The following PCDHA7 variants were observed in gnomAD, a reference collection of about 807,000 sequenced individuals.
PCDHA7 encodes protocadherin alpha-7.
A neutral mutation model predicts 57.2 loss-of-function variants in PCDHA7; 37 were observed. The ratio of observed to expected loss-of-function variants is 0.65; its 90% CI spans 0.50 to 0.85. The LOEUF is 0.85. PCDHA7 is among the 40% of genes least tolerant of loss of function. The probability of loss-of-function intolerance (pLI) is 0.00; values close to 1 mark genes in which losing one functional copy is unlikely to be tolerated. For missense variants in PCDHA7, 1,188 were observed against 1,241.8 expected (o/e 0.96, Z 0.65); for synonymous variants, 553 against 558.8 (o/e 0.99, Z 0.15).
chr5:140,858,066 AG>A, intron 1 of PCDHA7: 1 of 1,597,600 alleles, frequency 6.3e-7, no homozygotes, highest in Non-Finnish European at 8.6e-7. Flanking sequence ...GAGGGCAGCC[AG>A]GCACCCAAGG....
rs145763112 is a variant in PCDHA7, at chr5:140,835,616, C to A, written c.1233C>A (p.Ser411Arg). The A allele has an allele frequency of 2.0e-5, 32 of 1,613,766 alleles. No homozygotes were observed. The highest frequency in any genetic ancestry group is 8.3e-5 in the Admixed American group (5 of 59,990). Residue 411 changes from serine (S) to arginine (R), a missense_variant, in exon 1 of 4, where the codon AGC (serine) becomes AGA (arginine). Physicochemically the swap from Ser to Arg is moderately radical, Grantham distance 110 (BLOSUM62 -1). Transcript: ENST00000525929. ...ATTACTATTCATTGGTGCTGGACAGCGCTCTGGACCGCGAGAGTGTGTCCG... is the reference window on the plus strand; with the variant it reads ...ATTACTATTCATTGGTGCTGGACAGAGCTCTGGACCGCGAGAGTGTGTCCG... ...FKNYYSLVLD[S>R]ALDRESVSAY...
intron 1 of PCDHA7, chr5:140,968,812 T>C (rs782711806): frequency 6.2e-7 from 1 of 1,614,064 alleles, no homozygotes; most frequent in Non-Finnish European, 8.5e-7. Context: ...CTGTGGTGGA[T>C]AGGGTTTCCA....
intron 1 of PCDHA7, chr5:140,875,596 G>C (rs1554167787): frequency 1.9e-6 from 3 of 1,613,938 alleles, no homozygotes; most frequent in African/African-American, 2.7e-5. Flanking sequence ...GGCCAAACAC[G>C]GCACCTTCGT....
intron 1 of PCDHA7, chr5:140,843,767 T>A (rs2150366421): frequency 4.0e-6 from 6 of 1,487,048 alleles, no homozygotes; most frequent in African/African-American, 1.4e-5. Context: ...GAAATTGTAG[T>A]TACTTTAAAA....
At chr5:140,844,401 C>T (rs1299971759) in intron 1 of PCDHA7, among the ~76,000 whole-genome samples, 1 of 149,242 alleles carries the variant, frequency 6.7e-6, no homozygotes, top group Non-Finnish European at 1.5e-5. Context: ...GACCATTTTA[C>T]CATTTGGAGA....
At chr5:140,838,077 AGTGTGTGTGTGTGTGTGTGTGTGT>A (rs57130401) in intron 1 of PCDHA7, among the ~76,000 whole-genome samples, 5 of 80,700 alleles carry the variant, frequency 6.2e-5, no homozygotes, top group South Asian at 4.3e-4. Context: ...ATATATATAT[AGTGTGTGTGTGTGTGTGTGTGTGT>A]GTGTGTGTGT....
rs1333191283 is a variant in PCDHA7 at position 140,836,505 on chromosome 5, T to C, written c.2122T>C (p.Ser708Pro). 11 of 1,613,862 alleles carry C rather than the reference T, an allele frequency of 6.8e-6. No homozygotes were observed. In the African/African-American group the frequency reaches 8.0e-5, roughly 12 times the overall value. The change falls in exon 1 of 4, where the codon TCC (serine) becomes CCC (proline). Residue 708 changes from serine to proline, a missense_variant. Ser to Pro is a moderately conservative substitution (Grantham distance 74). This residue lies in a region of PCDHA7 where 892 missense variants were observed against 788.5 expected (regional missense o/e 1.13). Coordinates refer to ENST00000525929, the MANE Select transcript of PCDHA7 (RefSeq NM_018910.3). Reference sequence around the variant, plus strand: ...CCTGATCATCGCCATCTGCGCGGTGTCCAGTCTGTTGGTGCTTACCCTGCT... The same window carrying C: ...CCTGATCATCGCCATCTGCGCGGTGCCCAGTCTGTTGGTGCTTACCCTGCT... Reference protein sequence around the residue: ...VYLIIAICAVSSLLVLTLLLY... With the variant: ...VYLIIAICAVPSLLVLTLLLY...
In PCDHA7 at chr5:141,010,126, C is replaced by A; in HGVS notation, c.*189C>A. The A allele has an allele frequency of 6.2e-7, 1 of 1,602,364 alleles. No homozygotes were observed. The highest frequency in any genetic ancestry group is 1.1e-5 in the South Asian group (1 of 89,898). ...TTTTGTCGTAAAAGCTTTACTAAGT[C>A]TGGTGTTAACTCTTTCTCTCCACTC... On this transcript the variant is annotated 3_prime_UTR_variant, in exon 4 of 4. Coordinates refer to ENST00000525929, the MANE Select transcript of PCDHA7 (RefSeq NM_018910.3).
chr5:140,962,852 T>G (rs2095713840), intron 1 of PCDHA7, among the ~76,000 whole-genome samples: 2 of 152,216 alleles, frequency 1.3e-5, no homozygotes, highest in Admixed American at 1.3e-4. Context: ...TAACTTGTGC[T>G]CGGTTTGTAG....
intron 1 of PCDHA7, among the ~76,000 whole-genome samples, chr5:140,839,743 T>C (rs2150300619): frequency 0.58 from 88,357 of 151,822 alleles, 26,802 homozygotes; most frequent in African/African-American, 0.73. Flanking sequence ...TACCCTTATT[T>C]GCCTTTCCTA....
chr5:140,900,438 C>T (rs573115268), intron 1 of PCDHA7, among the ~76,000 whole-genome samples: 21 of 152,234 alleles, frequency 1.4e-4, no homozygotes, highest in South Asian at 8.3e-4. Flanking sequence ...CCACCACGGC[C>T]GGCTAATTTT....
At chr5:140,870,880 G>T in intron 1 of PCDHA7, 1 of 1,613,948 alleles carries the variant, frequency 6.2e-7, no homozygotes. Context: ...GGTGGCGAAG[G>T]TGCGCGCAGT....
rs782023174 is a variant in PCDHA7 at position 140,870,968 on chromosome 5, G to A, written c.2355+34230G>A. 39 of 1,613,492 alleles carry A rather than the reference G, an allele frequency of 2.4e-5. No homozygotes were observed. Among genetic ancestry groups the A allele is most frequent in the Admixed American group, 2.2e-4 (13 of 59,998 alleles). ...GCGGGCGGCTCGCGCATCCCGTTCC[G>A]CGTGGGGCTGTACACGGGCGAGATA... On this transcript the variant is annotated intron_variant, in intron 1 of 3. Transcript: ENST00000525929.
At chr5:140,916,296 G>C (rs2077516868) in intron 1 of PCDHA7, among the ~76,000 whole-genome samples, 1 of 152,094 alleles carries the variant, frequency 6.6e-6, no homozygotes, top group Admixed American at 6.5e-5. Flanking sequence ...TGGCCAAACT[G>C]GTACCAAAGG....
rs939986849 is a variant in PCDHA7, at chr5:140,871,330, G to T, written c.2355+34592G>T. 10 of 1,613,998 alleles carry T rather than the reference G, an allele frequency of 6.2e-6. No homozygotes were observed. Among genetic ancestry groups the T allele is most frequent in the Non-Finnish European group, 8.5e-6 (10 of 1,180,034 alleles). On this transcript the variant is annotated intron_variant, in intron 1 of 3. Transcript: ENST00000525929. The stretch of plus-strand genomic sequence containing the variant: ...GAAGCCCACGCTGGTGTGCTCCCGC[G>T]CGGTGGGGAGCTGGTCATACTCGCA...
At chr5:140,860,741 A>ATT (rs1466220052) in intron 1 of PCDHA7, 6 of 152,018 alleles carry the variant, frequency 3.9e-5, no homozygotes, top group African/African-American at 1.4e-4. Context: ...TTTGTTTTTT[A>ATT]TTTTTTATTT....
intron 1 of PCDHA7, among the ~76,000 whole-genome samples, chr5:140,953,196 TA>T (rs1166571162): frequency 6.6e-6 from 1 of 152,156 alleles, no homozygotes; most frequent in Non-Finnish European, 1.5e-5. Context: ...TTGATTAGAC[TA>T]AAAATGCAAA....
At chr5:140,966,998 C>A in intron 1 of PCDHA7, 1 of 1,604,774 alleles carries the variant, frequency 6.2e-7, no homozygotes, top group Non-Finnish European at 8.5e-7. Flanking sequence ...GGGTTGCTTG[C>A]GCATCAACCA....
intron 1 of PCDHA7, among the ~76,000 whole-genome samples, chr5:140,907,645 T>C (rs2073515740): frequency 1.3e-5 from 2 of 152,328 alleles, no homozygotes; most frequent in South Asian, 4.1e-4. Flanking sequence ...TGCTGGCAAA[T>C]TGGGCACTCA....
Sources: gnomAD v4.1 joint callset for allele counts (sites outside exome capture counted in the v4.1 genomes callset) on GRCh38, gnomAD v4.1.1 for gene constraint, gnomAD v4.1.1 regional missense constraint, MANE v1.5 for transcripts, NCBI Gene and HGNC (gene_info 2026-07-23, HGNC 2026-07-21) for gene names.